EYA2: variants seen among roughly 807,000 people sequenced by gnomAD.
EYA2 encodes the protein protein phosphatase EYA2.
A neutral mutation model predicts 69.2 loss-of-function variants in EYA2; 31 were observed. The observed-to-expected ratio is 0.45, with a 90% confidence interval of 0.34 to 0.60. The LOEUF is 0.60. Ranked by LOEUF, EYA2 falls within the 20% of genes least tolerant of loss-of-function variation. The pLI, the probability that EYA2 is intolerant of heterozygous loss-of-function variation, is 0.02. For synonymous variants in EYA2, 257 were observed against 279.4 expected (o/e 0.92, Z 0.80); for missense variants, 622 against 701.2 (o/e 0.89, Z 1.28).
chr20:47,148,581 G>A (rs940812740), intron 10 of EYA2, among the ~76,000 whole-genome samples: 1 of 151,826 alleles, frequency 6.6e-6, no homozygotes, highest in African/African-American at 2.4e-5. Context: ...AGCAGACCAG[G>A]CCTGGGTCCC....
intron 1 of EYA2, among the ~76,000 whole-genome samples, chr20:46,896,284 G>A (rs762556475): frequency 6.6e-6 from 1 of 152,054 alleles, no homozygotes; most frequent in African/African-American, 2.4e-5. Flanking sequence ...TTAATTTCAT[G>A]AGCCGTTTCT....
chr20:46,921,319 A>G lies in EYA2; in HGVS notation c.-11+26332A>G, dbSNP rs556621906. Among the ~76,000 whole-genome samples the G allele has an allele frequency of 9.2e-5, 14 of 152,358 alleles. No individual in the cohort carries two copies. In the East Asian group the frequency reaches 1.3e-3, roughly 15 times the overall value. ...CTGGAGGGTAACCTCTTAGGCTTGC[A>G]TAGTATATTACAGTTTACAAACAGT... On this transcript the variant is annotated intron_variant, in intron 1 of 15. Coordinates refer to ENST00000327619, the MANE Select transcript of EYA2 (RefSeq NM_005244.5).
chr20:47,161,966 A>C (rs1250797583), intron 10 of EYA2, among the ~76,000 whole-genome samples: 5 of 152,202 alleles, frequency 3.3e-5, no homozygotes, highest in African/African-American at 1.2e-4. Context: ...ACTGTCCCAC[A>C]GTTCATGAGA....
At chr20:47,035,775 A>T (rs531729276) in intron 5 of EYA2, among the ~76,000 whole-genome samples, 1 of 151,954 alleles carries the variant, frequency 6.6e-6, no homozygotes, top group Admixed American at 6.5e-5. Flanking sequence ...TGGGAAACGG[A>T]GGCAGGAGGA....
chr20:47,013,783 A>G (rs938170166), intron 4 of EYA2, among the ~76,000 whole-genome samples: 1 of 152,208 alleles, frequency 6.6e-6, no homozygotes, highest in Non-Finnish European at 1.5e-5. Flanking sequence ...AGTGAGGCAG[A>G]CTGTACCCAA....
intron 4 of EYA2, among the ~76,000 whole-genome samples, chr20:47,010,364 AC>A (rs3091876): frequency 0.98 from 148,933 of 152,294 alleles, 72,844 homozygotes; most frequent in East Asian, 1. Flanking sequence ...CCTAGATGGC[AC>A]CAGTGGGGCC....
At chr20:46,932,934 C>T (rs1314546301) in intron 1 of EYA2, among the ~76,000 whole-genome samples, 3 of 152,142 alleles carry the variant, frequency 2.0e-5, no homozygotes, top group African/African-American at 7.2e-5. Flanking sequence ...ACCACGACCA[C>T]CCCCTCTCTG....
intron 9 of EYA2, among the ~76,000 whole-genome samples, chr20:47,122,312 G>C (rs1365652592): frequency 5.3e-5 from 1 of 18,696 alleles, no homozygotes; most frequent in Admixed American, 5.7e-4. Context: ...TTTTTTTTTT[G>C]AGATGGAGTC....
intron 9 of EYA2, among the ~76,000 whole-genome samples, chr20:47,120,470 G>A (rs2033016541): frequency 6.6e-6 from 1 of 152,230 alleles, no homozygotes; most frequent in Middle Eastern, 3.2e-3. Context: ...CGTTTTGTTA[G>A]ACCGCTGAGC....
chr20:46,963,365 A>T (rs1270437328), intron 1 of EYA2, among the ~76,000 whole-genome samples: 24 of 152,346 alleles, frequency 1.6e-4, no homozygotes, highest in Non-Finnish European at 2.9e-4. Context: ...GTCAGTCGTC[A>T]AAAAAGAAAT....
At chr20:46,941,057 G>A (rs56124028) in intron 1 of EYA2, among the ~76,000 whole-genome samples, 120 of 152,362 alleles carry the variant, frequency 7.9e-4, no homozygotes, top group African/African-American at 2.8e-3. Context: ...CCCAGAGCCC[G>A]AGCCTGCTGG....
chr20:47,148,212 C>T lies in EYA2; in HGVS notation c.978+5064C>T, dbSNP rs74920918. On this transcript the variant is annotated intron_variant, in intron 10 of 15. Coordinates refer to ENST00000327619, the MANE Select transcript of EYA2 (RefSeq NM_005244.5). Reference sequence around the variant, plus strand: ...CTGTTGAGTCCTGGATCCACCATCTCCTAACCTGGGCAAGTCTCTCCATCC... The same window carrying T: ...CTGTTGAGTCCTGGATCCACCATCTTCTAACCTGGGCAAGTCTCTCCATCC... Among the ~76,000 whole-genome samples the T allele has an allele frequency of 6.2e-4, 94 of 152,312 alleles. 1 individual carries two copies. The East Asian group carries it at 0.015, about 25-fold the overall frequency.
At chr20:47,086,302 A>G (rs1041753437) in intron 7 of EYA2, among the ~76,000 whole-genome samples, 1 of 152,204 alleles carries the variant, frequency 6.6e-6, no homozygotes. Flanking sequence ...CCTGGCCAAC[A>G]TGGTGAAACC....
chr20:47,117,748 A>G (rs2032942899), intron 9 of EYA2: 1 of 938,940 alleles, frequency 1.1e-6, no homozygotes, highest in Non-Finnish European at 1.3e-6. Context: ...CTCGAGGACT[A>G]TTAGTTAATT....
chr20:46,983,423 T>C (rs1980967748), intron 1 of EYA2, among the ~76,000 whole-genome samples: 1 of 152,228 alleles, frequency 6.6e-6, no homozygotes, highest in African/African-American at 2.4e-5. Flanking sequence ...TTTTGTTTGC[T>C]GTTACTCCAA....
At chr20:46,936,613 G>A (rs1568675127) in intron 1 of EYA2, among the ~76,000 whole-genome samples, 1 of 152,162 alleles carries the variant, frequency 6.6e-6, no homozygotes, top group East Asian at 1.9e-4. Flanking sequence ...AAAGGCAGGT[G>A]TCTTTCTCTC....
intron 10 of EYA2, among the ~76,000 whole-genome samples, chr20:47,147,843 G>C (rs867028004): frequency 1.6e-4 from 25 of 152,142 alleles, no homozygotes; most frequent in Non-Finnish European, 2.4e-4. Flanking sequence ...TGGATCACTT[G>C]AGGTCAGGAG....
rs569692790 is a variant in EYA2, at chr20:47,111,247, C to T, written c.888+14079C>T. Reference sequence around the variant, plus strand: ...TTTAAAAGATCATTATTTACTCCAACGGAAAACAAAAGGCATGAGAAGTGA... The same window carrying T: ...TTTAAAAGATCATTATTTACTCCAATGGAAAACAAAAGGCATGAGAAGTGA... On this transcript the variant is annotated intron_variant, in intron 9 of 15. Coordinates refer to ENST00000327619, the MANE Select transcript of EYA2 (RefSeq NM_005244.5). 9.8e-5 allele frequency among the ~76,000 whole-genome samples: 15 copies of T among 152,302 alleles called. No homozygotes were observed. The South Asian group carries it at 1.0e-3, about 11-fold the overall frequency.
chr20:47,080,458 TGAG>T (rs1425068805), intron 7 of EYA2, among the ~76,000 whole-genome samples: 1 of 19,354 alleles, frequency 5.2e-5, no homozygotes, highest in South Asian at 2.1e-3. Context: ...GGGAGGGAAA[TGAG>T]GGAGGGAGGG....
Sources: allele counts gnomAD v4.1 joint callset (sites outside exome capture counted in the v4.1 genomes callset), GRCh38; gene constraint gnomAD v4.1.1; transcripts MANE v1.5; gene names NCBI Gene and HGNC (gene_info 2026-07-23, HGNC 2026-07-21).